Variants in LPP observed in about 807,000 individuals in gnomAD.
The protein encoded by LPP is lipoma-preferred partner.
Under a neutral mutation model 60.4 loss-of-function variants are expected in LPP, and 38 were observed. The ratio of observed to expected loss-of-function variants is 0.63; its 90% CI spans 0.49 to 0.83. The LOEUF (loss-of-function observed/expected upper bound fraction) is 0.83. LPP is among the 40% of genes least tolerant of loss of function. The pLI, the probability that LPP is intolerant of heterozygous loss-of-function variation, is 0.00. For synonymous variants in LPP, 328 were observed against 290.8 expected (o/e 1.13, Z -1.30); for missense variants, 902 against 783.6 (o/e 1.15, Z -1.80).
At chr3:188,389,574 G>A (rs1248380393) in intron 3 of LPP, among the ~76,000 whole-genome samples, 3 of 152,056 alleles carry the variant, frequency 2.0e-5, no homozygotes. Context: ...TCAGGAGTTC[G>A]AGACCAGCCT....
chr3:188,571,394 A>T (rs1260127566), intron 6 of LPP, among the ~76,000 whole-genome samples: 1 of 152,046 alleles, frequency 6.6e-6, no homozygotes, highest in African/African-American at 2.4e-5. Context: ...ATAGGACTGT[A>T]TGCAAATGTT....
intron 3 of LPP, among the ~76,000 whole-genome samples, chr3:188,363,978 G>A (rs1284462123): frequency 1.3e-5 from 2 of 151,448 alleles, no homozygotes; most frequent in Non-Finnish European, 2.9e-5. Flanking sequence ...TTCTGCAGAA[G>A]CGTGGTCAAG....
intron 1 of LPP, among the ~76,000 whole-genome samples, chr3:188,207,773 G>A (rs896095836): frequency 5.3e-5 from 8 of 151,914 alleles, no homozygotes; most frequent in African/African-American, 1.2e-4. Flanking sequence ...TCCTTCTGTC[G>A]GAATGCCCTT....
chr3:188,609,491 C>G lies in LPP; in HGVS notation c.760C>G (p.Gln254Glu). The change falls in exon 7 of 12, where the codon CAG becomes GAG. Residue 254 changes from glutamine (Q) to glutamate (E), a missense_variant. Gln to Glu is a conservative substitution (Grantham distance 29, BLOSUM62 2). Coordinates refer to ENST00000617246, the MANE Select transcript of LPP (RefSeq NM_001375462.1). The surrounding 1 kb of genome is among the most constrained non-coding windows in gnomAD (Gnocchi z 6.9). The stretch of plus-strand genomic sequence containing the variant: ...CTCAGGGCCCCAGGGCTATAACACT[C>G]AGCCAGTTCCTGTCTCTGGGCAGTG... ...YGSGPQGYNT[Q>E]PVPVSGQCPP... The G allele has an allele frequency of 6.2e-7, 1 of 1,614,190 alleles. No individual in the cohort carries two copies. The highest frequency in any genetic ancestry group is 1.1e-5 in the South Asian group (1 of 91,084).
intron 3 of LPP, among the ~76,000 whole-genome samples, chr3:188,375,572 A>G (rs1774779521): frequency 6.6e-6 from 1 of 151,632 alleles, no homozygotes; most frequent in South Asian, 2.1e-4. Context: ...ATCATTTTTT[A>G]TTGCGTCTAT....
chr3:188,482,802 T>C (rs1475982083), intron 4 of LPP, among the ~76,000 whole-genome samples: 1 of 152,168 alleles, frequency 6.6e-6, no homozygotes, highest in Non-Finnish European at 1.5e-5. Context: ...TTTCTTTATG[T>C]TGTAAGTTAT....
At chr3:188,740,131 G>T (rs1329598481) in intron 8 of LPP, among the ~76,000 whole-genome samples, 2 of 152,072 alleles carry the variant, frequency 1.3e-5, no homozygotes, top group Non-Finnish European at 2.9e-5. Flanking sequence ...AAGGGAGCCA[G>T]GTTGTCAATG....
At chr3:188,652,740 A>G (rs1455108008) in intron 7 of LPP, among the ~76,000 whole-genome samples, 1 of 152,124 alleles carries the variant, frequency 6.6e-6, no homozygotes, top group African/African-American at 2.4e-5. Context: ...GCCTTTAAGA[A>G]ATAATAATTA....
At chr3:188,292,045 T>G (rs2150052551) in intron 2 of LPP, among the ~76,000 whole-genome samples, 1 of 152,348 alleles carries the variant, frequency 6.6e-6, no homozygotes, top group South Asian at 2.1e-4. Context: ...TGATACCATC[T>G]TGTTTCTCCC....
chr3:188,574,179 C>T (rs959231386), intron 6 of LPP, among the ~76,000 whole-genome samples: 1 of 152,074 alleles, frequency 6.6e-6, no homozygotes, highest in African/African-American at 2.4e-5. Context: ...ATCCAGAGGA[C>T]CCTGGGTCAC....
intron 9 of LPP, among the ~76,000 whole-genome samples, chr3:188,858,115 C>T (rs1338685119): frequency 2.0e-5 from 3 of 152,172 alleles, no homozygotes; most frequent in East Asian, 3.8e-4. Flanking sequence ...TACTGTTTCA[C>T]TAATTCTCTT....
chr3:188,319,184 G>A (rs1435091827), intron 2 of LPP, among the ~76,000 whole-genome samples: 2 of 152,204 alleles, frequency 1.3e-5, no homozygotes, highest in Non-Finnish European at 2.9e-5. Flanking sequence ...TGTTGGCTAA[G>A]CACCTTGTCT....
intron 7 of LPP, among the ~76,000 whole-genome samples, chr3:188,701,944 C>CTTTTTTTTTTTT (rs35803152): frequency 4.7e-4 from 39 of 83,582 alleles, no homozygotes; most frequent in Non-Finnish European, 6.0e-4. Flanking sequence ...GTTTTTTTCC[C>CTTTTTTTTTTTT]TTTTTTTTTT....
At chr3:188,239,262 G>A (rs1022165197) in intron 2 of LPP, among the ~76,000 whole-genome samples, 2 of 152,180 alleles carry the variant, frequency 1.3e-5, no homozygotes, top group Admixed American at 6.5e-5. Flanking sequence ...ACCCATTCAG[G>A]CACACACTTA....
chr3:188,797,927 C>A (rs1025328861), intron 9 of LPP, among the ~76,000 whole-genome samples: 2 of 152,180 alleles, frequency 1.3e-5, no homozygotes, highest in Non-Finnish European at 2.9e-5. Context: ...TATGATGAAA[C>A]CATTTGCTTA....
At chr3:188,175,377 C>T (rs1468069045) in intron 1 of LPP, among the ~76,000 whole-genome samples, 1 of 152,168 alleles carries the variant, frequency 6.6e-6, no homozygotes, top group Admixed American at 6.5e-5. Context: ...CGTGAGCCAC[C>T]ACGCCCCACC....
intron 3 of LPP, among the ~76,000 whole-genome samples, chr3:188,358,175 G>A (rs1031948793): frequency 2.0e-5 from 3 of 152,156 alleles, no homozygotes; most frequent in Admixed American, 6.5e-5. Context: ...CCATTTCACA[G>A]AGGAAGAATT....
intron 4 of LPP, among the ~76,000 whole-genome samples, chr3:188,421,887 CA>C (rs1341130920): frequency 6.6e-6 from 1 of 152,116 alleles, no homozygotes; most frequent in Non-Finnish European, 1.5e-5. Context: ...ATCTTACAGT[CA>C]AAAAGTGGTC....
intron 2 of LPP, among the ~76,000 whole-genome samples, chr3:188,271,420 G>T (rs1409697196): frequency 6.6e-6 from 1 of 152,224 alleles, no homozygotes; most frequent in Non-Finnish European, 1.5e-5. Context: ...GCAGCAGAAG[G>T]CAGATTCCAC....
Sources: gnomAD v4.1 joint callset for allele counts (sites outside exome capture counted in the v4.1 genomes callset) on GRCh38, gnomAD v4.1.1 for gene constraint, Gnocchi (gnomAD v3.1) non-coding constraint, MANE v1.5 for transcripts, NCBI Gene and HGNC (gene_info 2026-07-23, HGNC 2026-07-21) for gene names.